The following SLC9C1 variants were observed in gnomAD, a reference collection of about 807,000 sequenced individuals.
The protein encoded by SLC9C1 is solute carrier family 9 member C1.
A neutral mutation model predicts 140.9 loss-of-function variants in SLC9C1; 97 were observed. The ratio of observed to expected loss-of-function variants is 0.69; its 90% CI spans 0.58 to 0.82. SLC9C1 has a LOEUF of 0.82. Among genes scored for constraint, SLC9C1 ranks in the 40% least tolerant of loss-of-function variants. The pLI, the probability that SLC9C1 is intolerant of heterozygous loss-of-function variation, is 0.00. For missense variants in SLC9C1, 1,340 were observed against 1,389.3 expected (o/e 0.96, Z 0.56); for synonymous variants, 440 against 442.6 (o/e 0.99, Z 0.07).
chr3:112,168,367 A>ACAC (rs200097066), intron 25 of SLC9C1, among the ~76,000 whole-genome samples: 949 of 53,082 alleles, frequency 0.018, 11 homozygotes, highest in South Asian at 0.028. Context: ...ACACACACAC[A>ACAC]ACTTCTTTCC....
chr3:112,222,217 G>A (rs11919685), intron 13 of SLC9C1, among the ~76,000 whole-genome samples: 2,653 of 152,196 alleles, frequency 0.017, 78 homozygotes, highest in African/African-American at 0.06. Context: ...TATGGATCTC[G>A]CGAAAGCTTA....
At chr3:112,212,753 G>A (rs563382997) in intron 15 of SLC9C1, among the ~76,000 whole-genome samples, 10 of 152,336 alleles carry the variant, frequency 6.6e-5, no homozygotes, top group Admixed American at 1.3e-4. Flanking sequence ...AAGTGACAGG[G>A]AGAATGGAAT....
intron 6 of SLC9C1, 65 bp from the exon 7 acceptor site, chr3:112,270,142 C>A: frequency 7.1e-7 from 1 of 1,413,446 alleles, no homozygotes. Context: ...AATTGATATT[C>A]CTTGTTAATT....
At position 112,221,190 on chromosome 3, in the gene SLC9C1, C is replaced by T; in HGVS notation, c.1608G>A (p.Leu536=). ...CCAACACCTGGACAGCACTCTGGGA[C>T]AGAATCTCATTCCTGTATTGTCTCT... ...SYQRQYRNEI[L]SQSAVQVLVG... is the part of the protein sequence containing the mutation. Residue 536 remains leucine (L), a synonymous_variant, in exon 14 of 29, where the codon CTG becomes CTA. Transcript: ENST00000305815. The T allele has an allele frequency of 6.2e-7, 1 of 1,613,596 alleles. No homozygotes were observed. The highest frequency in any genetic ancestry group is 1.3e-5 in the African/African-American group (1 of 75,004).
intron 26 of SLC9C1, among the ~76,000 whole-genome samples, chr3:112,159,381 C>T (rs1015050383): frequency 2.0e-4 from 30 of 151,846 alleles, no homozygotes; most frequent in African/African-American, 6.8e-4. Context: ...CATAGTTCCT[C>T]CTCTGATTGA....
chr3:112,211,144 T>A (rs1410463008), intron 15 of SLC9C1, among the ~76,000 whole-genome samples: 1 of 152,234 alleles, frequency 6.6e-6, no homozygotes, highest in African/African-American at 2.4e-5. Context: ...ATTTTTCAGA[T>A]AATAAAATAT....
chr3:112,291,407 T>C lies in SLC9C1; in HGVS notation c.-88+2686A>G, dbSNP rs539805048. ...CTAATATCCAGCATCTATAAGGAAC[T>C]TAAAATAATCTACAAGAAAAAACAA... On this transcript the variant is annotated intron_variant, in intron 1 of 28. Transcript: ENST00000305815. 7.2e-5 allele frequency among the ~76,000 whole-genome samples: 11 copies of C among 151,984 alleles called. No homozygotes were observed. The South Asian group carries it at 2.3e-3, about 32-fold the overall frequency.
At chr3:112,263,517 A>ATT (rs11454907) in intron 9 of SLC9C1, among the ~76,000 whole-genome samples, 17 of 151,160 alleles carry the variant, frequency 1.1e-4, no homozygotes, top group African/African-American at 1.9e-4. Context: ...TATTGGCCAG[A>ATT]TTTTTTTTTC....
chr3:112,185,876 A>T (rs2077528345), intron 20 of SLC9C1: 1 of 1,588,670 alleles, frequency 6.3e-7, no homozygotes. Flanking sequence ...CCCACTCGCC[A>T]GGCGGCAGGG....
In SLC9C1 at chr3:112,167,834, T is replaced by C. The variant is rs149378100; in HGVS notation, c.3238-487A>G. ...GGAAAGTAGATAGAGTTTATCAGGC[T>C]TCAGGCTCCTGCTTGGCTGTCTAAA... is the stretch of plus-strand genomic sequence containing the variant. On this transcript the variant is annotated intron_variant, in intron 25 of 28. Coordinates refer to ENST00000305815, the MANE Select transcript of SLC9C1 (RefSeq NM_183061.3). 5.8e-4 allele frequency among the ~76,000 whole-genome samples: 89 copies of C among 152,308 alleles called. No individual in the cohort carries two copies. In the Middle Eastern group the frequency reaches 0.01, roughly 17 times the overall value.
chr3:112,257,667 C>A (rs4440097), intron 10 of SLC9C1, among the ~76,000 whole-genome samples: 45,047 of 151,984 alleles, frequency 0.3, 7,229 homozygotes, highest in East Asian at 0.43. Context: ...AAGATGCCAA[C>A]AGCAATCACA....
intron 11 of SLC9C1, among the ~76,000 whole-genome samples, chr3:112,242,214 A>G (rs1360691873): frequency 2.6e-5 from 4 of 152,244 alleles, no homozygotes; most frequent in Non-Finnish European, 4.4e-5. Flanking sequence ...AAGGTCTTAT[A>G]TCCAGAATCT....
intron 26 of SLC9C1, among the ~76,000 whole-genome samples, chr3:112,161,310 A>G (rs1455699844): frequency 2.0e-5 from 3 of 152,104 alleles, no homozygotes; most frequent in South Asian, 2.1e-4. Context: ...TTTTGTTGCA[A>G]TTGCTTTTTG....
At chr3:112,252,375 A>G (rs942432111) in intron 10 of SLC9C1, among the ~76,000 whole-genome samples, 1 of 148,440 alleles carries the variant, frequency 6.7e-6, no homozygotes, top group Admixed American at 6.7e-5. Context: ...GCAGTTTCCA[A>G]CCTCCCTGGG....
At chr3:112,214,987 A>G (rs979986218) in intron 15 of SLC9C1, among the ~76,000 whole-genome samples, 1 of 152,232 alleles carries the variant, frequency 6.6e-6, no homozygotes, top group African/African-American at 2.4e-5. Flanking sequence ...CGAATCCAGC[A>G]GCACATCAAA....
intron 15 of SLC9C1, among the ~76,000 whole-genome samples, chr3:112,212,152 G>T (rs2078226322): frequency 6.6e-6 from 1 of 152,196 alleles, no homozygotes; most frequent in Non-Finnish European, 1.5e-5. Flanking sequence ...GGTCCTGACT[G>T]TTAGAAGGAA....
intron 12 of SLC9C1, among the ~76,000 whole-genome samples, chr3:112,233,363 A>G (rs1334312197): frequency 6.6e-6 from 1 of 152,054 alleles, no homozygotes; most frequent in East Asian, 1.9e-4. Flanking sequence ...CACTGTGCTG[A>G]CCTATGATGT....
intron 26 of SLC9C1, among the ~76,000 whole-genome samples, chr3:112,163,858 T>G (rs1365507863): frequency 6.6e-6 from 1 of 151,812 alleles, no homozygotes; most frequent in Non-Finnish European, 1.5e-5. Flanking sequence ...ATCTGTCTAA[T>G]GTTGACAGTG....
Position 112,262,921 on chromosome 3 carries a change from T to C in SLC9C1, c.1197+3A>G, listed in dbSNP as rs1480755206. ...TCAGATAAGAAAATACAGCTTTCTT[T>C]ACTTGAGATTTTTCTTTGTCAGATC... is the stretch of plus-strand genomic sequence containing the variant. On this transcript the variant is annotated splice_donor_region_variant and intron_variant, in intron 10 of 28. Transcript: ENST00000305815. The C allele has an allele frequency of 6.4e-7, 1 of 1,563,986 alleles. No individual in the cohort carries two copies. Among genetic ancestry groups the C allele is most frequent in the Non-Finnish European group, 8.6e-7 (1 of 1,162,834 alleles).
Sources: gnomAD v4.1 joint callset for allele counts (sites outside exome capture counted in the v4.1 genomes callset) on GRCh38, gnomAD v4.1.1 for gene constraint, MANE v1.5 for transcripts, NCBI Gene and HGNC (gene_info 2026-07-23, HGNC 2026-07-21) for gene names.